The following DPYD variants were observed in gnomAD, a reference collection of about 807,000 sequenced individuals.
The protein encoded by DPYD is dihydropyrimidine dehydrogenase.
In DPYD, 109 loss-of-function variants were observed where a neutral mutation model predicts 116.2. That is an observed-to-expected ratio of 0.94 (90% CI 0.80 to 1.10). The LOEUF (loss-of-function observed/expected upper bound fraction) is 1.10, where lower values mean the gene tolerates loss of function less well. Among genes scored for constraint, DPYD ranks in the 50% least tolerant of loss-of-function variants. The pLI, the probability that DPYD is intolerant of heterozygous loss-of-function variation, is 0.00. For synonymous variants in DPYD, 440 were observed against 432.0 expected (o/e 1.02, Z -0.23); for missense variants, 1,302 against 1,254.5 (o/e 1.04, Z -0.57).
chr1:97,247,299 CATTATTTCA>C (rs1662782753), intron 18 of DPYD, among the ~76,000 whole-genome samples: 1 of 152,124 alleles, frequency 6.6e-6, no homozygotes, highest in Admixed American at 6.6e-5. Context: ...CTTAAGACTA[CATTATTTCA>C]GACAAGATCT....
At chr1:97,689,831 T>C (rs183182208) in intron 7 of DPYD, among the ~76,000 whole-genome samples, 109 of 152,144 alleles carry the variant, frequency 7.2e-4, no homozygotes, top group African/African-American at 2.6e-3. Flanking sequence ...ATCCTCAAAG[T>C]GAAAAGGAAT....
At chr1:97,689,489 G>A (rs1660900176) in intron 7 of DPYD, among the ~76,000 whole-genome samples, 1 of 151,994 alleles carries the variant, frequency 6.6e-6, no homozygotes, top group Non-Finnish European at 1.5e-5. Flanking sequence ...GGAAGTAAAA[G>A]AGAAAGTAGA....
intron 14 of DPYD, among the ~76,000 whole-genome samples, chr1:97,435,816 T>C (rs917536871): frequency 1.3e-5 from 2 of 151,582 alleles, no homozygotes; most frequent in Non-Finnish European, 3.0e-5. Context: ...GGGTACAATG[T>C]AAAAGAATAA....
intron 3 of DPYD, among the ~76,000 whole-genome samples, chr1:97,788,631 A>G (rs572606905): frequency 6.6e-6 from 1 of 152,312 alleles, no homozygotes; most frequent in Admixed American, 6.5e-5. Flanking sequence ...GTAGCAATTG[A>G]TAACTAACAT....
intron 19 of DPYD, among the ~76,000 whole-genome samples, chr1:97,197,478 T>C (rs1323816067): frequency 2.0e-5 from 3 of 152,174 alleles, no homozygotes; most frequent in Non-Finnish European, 4.4e-5. Context: ...TTCATGATTA[T>C]TGTAAAATCC....
intron 16 of DPYD, among the ~76,000 whole-genome samples, chr1:97,318,787 A>AGCACC (rs1165772348): frequency 3.3e-5 from 5 of 149,700 alleles, no homozygotes; most frequent in Non-Finnish European, 7.4e-5. Flanking sequence ...CATTTTTTTC[A>AGCACC]GCACCACACC....
intron 14 of DPYD, among the ~76,000 whole-genome samples, chr1:97,445,598 T>C (rs912215802): frequency 1.3e-5 from 2 of 152,172 alleles, no homozygotes; most frequent in Admixed American, 6.6e-5. Flanking sequence ...CCCTTCACCA[T>C]AAATTCCTGT....
intron 8 of DPYD, among the ~76,000 whole-genome samples, chr1:97,644,466 T>G (rs1658127990): frequency 6.6e-6 from 1 of 152,138 alleles, no homozygotes; most frequent in Admixed American, 6.6e-5. Flanking sequence ...TCTCCATCTA[T>G]TGCCCTGTCT....
intron 2 of DPYD, among the ~76,000 whole-genome samples, chr1:97,839,799 C>T (rs912356621): frequency 1.6e-4 from 25 of 152,144 alleles, no homozygotes; most frequent in African/African-American, 5.8e-4. Flanking sequence ...TGTAGTAATT[C>T]ACAATCCACT....
chr1:97,810,270 G>A (rs1668285835), intron 3 of DPYD, among the ~76,000 whole-genome samples: 1 of 111,218 alleles, frequency 9.0e-6, no homozygotes, highest in South Asian at 3.3e-4. Context: ...CTGGGCAACA[G>A]AGTGAGACTC....
intron 16 of DPYD, among the ~76,000 whole-genome samples, chr1:97,369,443 T>C (rs1429257126): frequency 6.6e-6 from 1 of 152,180 alleles, no homozygotes; most frequent in Admixed American, 6.6e-5. Context: ...ACATTGATAT[T>C]GCAATACCTA....
intron 18 of DPYD, among the ~76,000 whole-genome samples, chr1:97,251,391 T>TAAAAAAAAAAAA (rs10581072): frequency 2.7e-4 from 26 of 95,324 alleles, no homozygotes; most frequent in Non-Finnish European, 4.1e-4. Context: ...AAACTCTGTC[T>TAAAAAAAAAAAA]AAAAAAAAAA....
chr1:97,848,939 G>A (rs1175040789), intron 2 of DPYD, among the ~76,000 whole-genome samples: 1 of 151,990 alleles, frequency 6.6e-6, no homozygotes, highest in Non-Finnish European at 1.5e-5. Context: ...ATATTAGAAA[G>A]AAAATCTGTA....
At chr1:97,139,734 G>A (rs1214968716) in intron 20 of DPYD, among the ~76,000 whole-genome samples, 3 of 152,136 alleles carry the variant, frequency 2.0e-5, no homozygotes, top group African/African-American at 4.8e-5. Flanking sequence ...AACTATGAAA[G>A]GAATGTTGGC....
Position 97,666,707 on chromosome 1 carries a change from G to C in DPYD, c.850+12388C>G, listed in dbSNP as rs576573639. 2.6e-5 allele frequency among the ~76,000 whole-genome samples: 4 copies of C among 152,220 alleles called. No individual in the cohort carries two copies. The South Asian group carries it at 8.3e-4, about 32-fold the overall frequency. The stretch of plus-strand genomic sequence containing the variant: ...ACAGTAATTAAGGAGTGAGAAGCAA[G>C]GTTGGTTTCTCACCATGGGGGGTTT... On this transcript the variant is annotated intron_variant, in intron 8 of 22. Transcript: ENST00000370192.
chr1:97,624,866 T>C (rs1204625242), intron 8 of DPYD, among the ~76,000 whole-genome samples: 1 of 151,996 alleles, frequency 6.6e-6, no homozygotes, highest in Admixed American at 6.6e-5. Flanking sequence ...AGCATAGAAA[T>C]ACAAGTACTG....
chr1:97,756,300 G>A (rs1665229625), intron 3 of DPYD, among the ~76,000 whole-genome samples: 1 of 152,122 alleles, frequency 6.6e-6, no homozygotes, highest in Non-Finnish European at 1.5e-5. Context: ...TGCACGATGA[G>A]TTACATTACA....
chr1:97,395,558 C>T (rs961153695), intron 14 of DPYD, among the ~76,000 whole-genome samples: 1 of 152,010 alleles, frequency 6.6e-6, no homozygotes. Flanking sequence ...CCTATCCTTT[C>T]AATTTACATT....
chr1:97,301,869 G>A (rs939686967), intron 18 of DPYD, among the ~76,000 whole-genome samples: 1 of 151,688 alleles, frequency 6.6e-6, no homozygotes, highest in Non-Finnish European at 1.5e-5. Flanking sequence ...ACTGATTTGG[G>A]GGCTATCTTA....
Sources: allele counts gnomAD v4.1 joint callset (sites outside exome capture counted in the v4.1 genomes callset), GRCh38; gene constraint gnomAD v4.1.1; transcripts MANE v1.5; gene names NCBI Gene and HGNC (gene_info 2026-07-23, HGNC 2026-07-21).